ATP5PO: variants seen among roughly 807,000 people sequenced by gnomAD.
ATP5PO encodes the protein ATP synthase peripheral stalk subunit OSCP.
Under a neutral mutation model 26.2 loss-of-function variants are expected in ATP5PO, and 14 were observed. The ratio of observed to expected loss-of-function variants is 0.53; its 90% CI spans 0.35 to 0.83. ATP5PO has a LOEUF of 0.83. Ranked by LOEUF, ATP5PO falls within the 40% of genes least tolerant of loss-of-function variation. ATP5PO has a pLI of 0.01. For synonymous variants in ATP5PO, 106 were observed against 95.1 expected, an observed-to-expected ratio of 1.12 and a Z score of -0.67; for missense variants, 241 against 258.5, an observed-to-expected ratio of 0.93 and a Z score of 0.46.
At position 33,909,110 on chromosome 21, in the gene ATP5PO, C is replaced by T. The variant is rs775219377; in HGVS notation, c.300G>A (p.Arg100=). The change falls in exon 4 of 7, where the codon AGG becomes AGA. Residue 100 remains arginine, a synonymous_variant. Coordinates refer to ENST00000290299, the MANE Select transcript of ATP5PO (RefSeq NM_001697.3). ...TCAGATTGGTAGTGAGGGGAGAGAA[C>T]CTCTCTTTTGCTGTGATGTCATTTA... is the stretch of plus-strand genomic sequence containing the variant. ...KSLNDITAKE[R]FSPLTTNLIN... 1.9e-6 allele frequency: 3 copies of T among 1,612,462 alleles called. No individual in the cohort carries two copies. The highest frequency in any genetic ancestry group is 2.5e-6 in the Non-Finnish European group (3 of 1,178,688).
chr21:33,914,861 C>G (rs1456398715), intron 1 of ATP5PO: 1 of 182,498 alleles, frequency 5.5e-6, no homozygotes, highest in Non-Finnish European at 1.1e-5. Flanking sequence ...AGATCATTTG[C>G]AACAGACGTA....
intron 5 of ATP5PO, 197 bp downstream of exon 5, chr21:33,907,144 A>C: frequency 1.8e-6 from 1 of 564,876 alleles, no homozygotes; most frequent in Non-Finnish European, 3.2e-6. Flanking sequence ...CACTGGTTAC[A>C]GAAGCACTAA....
intron 5 of ATP5PO, 30 bp downstream of exon 5, chr21:33,907,311 C>A: frequency 3.2e-6 from 5 of 1,559,534 alleles, no homozygotes; most frequent in Non-Finnish European, 4.4e-6. Context: ...AATATCAAGG[C>A]AAACACAGCA....
At chr21:33,905,911 C>CAAA (rs1987163585) in intron 5 of ATP5PO, among the ~76,000 whole-genome samples, 1 of 22,792 alleles carries the variant, frequency 4.4e-5, no homozygotes, top group South Asian at 1.7e-3. Flanking sequence ...GACTCAGTCT[C>CAAA]AAAAAAGAAA....
At chr21:33,905,719 C>G (rs1228705427) in intron 5 of ATP5PO, among the ~76,000 whole-genome samples, 1 of 151,946 alleles carries the variant, frequency 6.6e-6, no homozygotes, top group Non-Finnish European at 1.5e-5. Context: ...TCGAGACCAG[C>G]CTGGCCAACA....
In ATP5PO at chr21:33,903,628, T is replaced by C. The variant is rs778525703; in HGVS notation, c.540A>G (p.Ser180=). The C allele has an allele frequency of 9.9e-6, 16 of 1,613,976 alleles. No homozygotes were observed. Among genetic ancestry groups the C allele is most frequent in the African/African-American group, 4.0e-5 (3 of 74,930 alleles). ...TGCGCACAATCATTCCACCCAAGATTGACGGATCAGTCTACAAAAGAAGTA... is the reference window on the plus strand; with the variant it reads ...TGCGCACAATCATTCCACCCAAGATCGACGGATCAGTCTACAAAAGAAGTA... ...VLKLEAKTDP[S]ILGGMIVRIG... The change falls in exon 7 of 7, where the codon TCA becomes TCG. Residue 180 remains serine, a synonymous_variant. Transcript: ENST00000290299.
At chr21:33,910,543 T>C (rs1224313026) in intron 3 of ATP5PO, among the ~76,000 whole-genome samples, 2 of 152,216 alleles carry the variant, frequency 1.3e-5, no homozygotes, top group Non-Finnish European at 2.9e-5. Context: ...TTCCAGGCTT[T>C]AGACAAACTC....
chr21:33,915,801 A>G lies in ATP5PO; in HGVS notation c.-38T>C, dbSNP rs558937660. 5 of 1,553,312 alleles carry G rather than the reference A, an allele frequency of 3.2e-6. No homozygotes were observed. In the South Asian group the frequency reaches 5.9e-5, roughly 18 times the overall value. On this transcript the variant is annotated 5_prime_UTR_variant, in exon 1 of 7. Transcript: ENST00000290299. The stretch of plus-strand genomic sequence containing the variant: ...GGCTGTAGGTCAAACCCGAGTGGGA[A>G]GAGAGAAACGCGCAAGGGCGCACGC...
Position 33,914,505 on chromosome 21 carries a change from A to C in ATP5PO, c.37-5T>G. 5 of 1,612,394 alleles carry C rather than the reference A, an allele frequency of 3.1e-6. No homozygotes were observed. Among genetic ancestry groups the C allele is most frequent in the Non-Finnish European group, 4.2e-6 (5 of 1,179,176 alleles). ...AGAGGTACTGAAGCATCGCACCTTC[A>C]AAGCAATAAAGGAAAATAGATCAAA... On this transcript the variant is annotated splice_region_variant and splice_polypyrimidine_tract_variant and intron_variant, in intron 1 of 6. Coordinates refer to ENST00000290299, the MANE Select transcript of ATP5PO (RefSeq NM_001697.3).
intron 5 of ATP5PO, 76 bp downstream of exon 5, chr21:33,907,265 T>G: frequency 2.3e-6 from 3 of 1,319,118 alleles, no homozygotes; most frequent in Non-Finnish European, 3.2e-6. Context: ...TTTTACCCTG[T>G]TTTTCCCTTT....
At position 33,912,366 on chromosome 21, in the gene ATP5PO, A is replaced by G; in HGVS notation, c.121T>C (p.Tyr41His). ...GCAGCAGAATAAAGAGCTGTGGCAT[A>G]GCGACCTTCAATACCGTATACCTGA... Reference protein sequence around the residue: ...PVQVYGIEGRYATALYSAASK... With the variant: ...PVQVYGIEGRHATALYSAASK... Residue 41 changes from tyrosine to histidine, a missense_variant, in exon 3 of 7, where the codon TAT becomes CAT. Tyr to His is a moderately conservative substitution (Grantham distance 83). Around this residue, in one of 3 missense-constraint regions of ATP5PO, gnomAD observed 125 missense variants for 108.5 expected, o/e 1.15. Transcript: ENST00000290299. 1.9e-6 allele frequency: 3 copies of G among 1,613,460 alleles called. No individual in the cohort carries two copies. The highest frequency in any genetic ancestry group is 2.5e-6 in the Non-Finnish European group (3 of 1,179,584).
intron 3 of ATP5PO, among the ~76,000 whole-genome samples, chr21:33,909,467 T>C (rs900662980): frequency 3.9e-5 from 6 of 152,294 alleles, no homozygotes; most frequent in Admixed American, 6.5e-5. Flanking sequence ...GGTTTCGCCA[T>C]GTTGACCAGG....
chr21:33,906,981 T>C, intron 5 of ATP5PO: 1 of 342,022 alleles, frequency 2.9e-6, no homozygotes, highest in South Asian at 2.3e-5. Context: ...AAAGTGAGAC[T>C]CTGTCTCAAA....
chr21:33,905,015 A>G (rs1047592749), intron 5 of ATP5PO, among the ~76,000 whole-genome samples: 2 of 152,186 alleles, frequency 1.3e-5, no homozygotes, highest in African/African-American at 4.8e-5. Context: ...TGCTGGGGTT[A>G]CAAGTGTGAG....
intron 2 of ATP5PO, 93 bp downstream of exon 2, chr21:33,914,357 G>A: frequency 7.8e-7 from 1 of 1,276,304 alleles, no homozygotes; most frequent in Non-Finnish European, 1.1e-6. Context: ...GGTTTAGATA[G>A]TAACTACACA....
In ATP5PO at chr21:33,915,717, C is replaced by T. The variant is rs1987305291; in HGVS notation, c.36+11G>A. 1.3e-6 allele frequency: 2 copies of T among 1,570,814 alleles called. No homozygotes were observed. Among genetic ancestry groups the T allele is most frequent in the Non-Finnish European group, 1.7e-6 (2 of 1,157,932 alleles). On this transcript the variant is annotated intron_variant, in intron 1 of 6. Coordinates refer to ENST00000290299, the MANE Select transcript of ATP5PO (RefSeq NM_001697.3). ...TCCTCCCACTGGCTCTCAGGACCAC[C>T]TTTCTCTCACCTGCCGGGAGAGCCC...
At chr21:33,913,610 C>A (rs1239213790) in intron 2 of ATP5PO, among the ~76,000 whole-genome samples, 4 of 152,084 alleles carry the variant, frequency 2.6e-5, no homozygotes, top group African/African-American at 9.7e-5. Context: ...CACTAATAGT[C>A]CTCTTTATCC....
intron 4 of ATP5PO, among the ~76,000 whole-genome samples, chr21:33,908,438 T>C (rs1987204180): frequency 6.6e-6 from 1 of 152,194 alleles, no homozygotes; most frequent in Non-Finnish European, 1.5e-5. Context: ...GGCTGCATGG[T>C]GGCTCATGCC....
intron 1 of ATP5PO, 148 bp downstream of exon 1, chr21:33,915,580 C>T: frequency 3.2e-6 from 4 of 1,245,450 alleles, no homozygotes; most frequent in Non-Finnish European, 1.1e-6. Flanking sequence ...GCTGGGTCGT[C>T]CTGAGTCGCT....
Sources: allele counts gnomAD v4.1 joint callset (sites outside exome capture counted in the v4.1 genomes callset), GRCh38; gene constraint gnomAD v4.1.1; regional missense constraint gnomAD v4.1.1; transcripts MANE v1.5; gene names NCBI Gene and HGNC (gene_info 2026-07-23, HGNC 2026-07-21).